Variants in HIF1A observed in about 807,000 individuals in gnomAD.
The protein encoded by HIF1A is hypoxia inducible factor 1 subunit alpha, also known as hypoxia-inducible factor 1-alpha.
Under a neutral mutation model 92.7 loss-of-function variants are expected in HIF1A, and 24 were observed. That is an observed-to-expected ratio of 0.26 (90% CI 0.19 to 0.36). HIF1A has a LOEUF of 0.36. Ranked by LOEUF, HIF1A falls within the 10% of genes least tolerant of loss-of-function variation. The pLI is 1.00. For missense variants in HIF1A, 799 were observed against 998.5 expected, an observed-to-expected ratio of 0.80 and a Z score of 2.69; for synonymous variants, 319 against 338.7, an observed-to-expected ratio of 0.94 and a Z score of 0.64.
chr14:61,732,559 T>G (rs757183395), intron 7 of HIF1A, 35 bp downstream of exon 7: 1 of 1,310,784 alleles, frequency 7.6e-7, no homozygotes, highest in African/African-American at 1.4e-5. Context: ...GATATTCTAA[T>G]TACTTAACTG....
rs2044817579 is a variant in HIF1A at position 61,748,170 on chromosome 14, A to T, written c.*1085A>T. 6.6e-6 allele frequency: 1 copy of T among 152,560 alleles called. No homozygotes were observed. Among genetic ancestry groups the T allele is most frequent in the Admixed American group, 6.5e-5 (1 of 15,280 alleles). The allele number at this position is 152,560 out of a possible 1,614,324, so 9.5% of individuals were successfully genotyped here. The stretch of plus-strand genomic sequence containing the variant: ...TTGTTTTTTCTATGTACATTGTACA[A>T]ATTTTTCATTCCTTTTGCTCTTTGT... On this transcript the variant is annotated 3_prime_UTR_variant, in exon 15 of 15. Transcript: ENST00000337138.
chr14:61,740,286 C>T (rs1444303610), intron 10 of HIF1A: 3 of 299,722 alleles, frequency 1.0e-5, no homozygotes, highest in African/African-American at 4.4e-5. Flanking sequence ...AGGATGGTCT[C>T]GATCTCTTGA....
At position 61,697,813 on chromosome 14, in the gene HIF1A, C is replaced by T. The variant is rs577175897; in HGVS notation, c.35+1974C>T. On this transcript the variant is annotated intron_variant, in intron 1 of 14. Coordinates refer to ENST00000337138, the MANE Select transcript of HIF1A (RefSeq NM_001530.4). Reference sequence around the variant, plus strand: ...GAAAGATAACTGAGAGGTTGAGGGACGGAGATTTTCTTCAAGCAATTTTTT... The same window carrying T: ...GAAAGATAACTGAGAGGTTGAGGGATGGAGATTTTCTTCAAGCAATTTTTT... 1.7e-5 allele frequency: 25 copies of T among 1,483,584 alleles called. 1 individual carries two copies. In the South Asian group the frequency reaches 2.4e-4, roughly 14 times the overall value. 91.9% of individuals were successfully genotyped at this position (1,483,584 alleles called of 1,614,324 possible).
intron 10 of HIF1A, 40 bp downstream of exon 10, chr14:61,738,413 AT>A (rs747533118): frequency 3.4e-6 from 5 of 1,461,854 alleles, no homozygotes; most frequent in Admixed American, 4.4e-5. Context: ...CAACTTTCAG[AT>A]TTTAACATTC....
chr14:61,703,661 G>T (rs1159508001), intron 1 of HIF1A, among the ~76,000 whole-genome samples: 1 of 151,632 alleles, frequency 6.6e-6, no homozygotes, highest in African/African-American at 2.4e-5. Flanking sequence ...CTCTCTTCTA[G>T]TGTCTATATA....
At chr14:61,745,960 A>G (rs1304750674) in intron 14 of HIF1A, 143 bp downstream of exon 14, 27 of 651,676 alleles carry the variant, frequency 4.1e-5, no homozygotes, top group Non-Finnish European at 6.1e-5. Context: ...GCGGTGGCTC[A>G]CACCTGTAAT....
chr14:61,724,466 G>C (rs749900390), intron 4 of HIF1A, among the ~76,000 whole-genome samples: 3 of 150,336 alleles, frequency 2.0e-5, no homozygotes, highest in Non-Finnish European at 3.0e-5. Context: ...CTTCCAGGGA[G>C]GGCAAATTCA....
intron 7 of HIF1A, 76 bp downstream of exon 7, chr14:61,732,600 C>A: frequency 2.3e-6 from 2 of 859,134 alleles, no homozygotes; most frequent in Middle Eastern, 2.3e-4. Flanking sequence ...GGCTACCCAT[C>A]TAATTCTCTG....
chr14:61,729,569 A>G (rs2044550306), intron 6 of HIF1A, among the ~76,000 whole-genome samples: 1 of 152,310 alleles, frequency 6.6e-6, no homozygotes, highest in East Asian at 1.9e-4. Flanking sequence ...ACTGGTGTCA[A>G]CTTTAAGAAA....
intron 6 of HIF1A, 108 bp from the exon 7 acceptor site, chr14:61,732,310 T>A (rs2044585694): frequency 1.5e-6 from 1 of 684,706 alleles, no homozygotes; most frequent in African/African-American, 1.8e-5. Flanking sequence ...TTTTTGAAAA[T>A]TCACTTGTCC....
chr14:61,724,367 C>CTCTCTCTCTCTCTCTCTCTCTA (rs2044474903), intron 4 of HIF1A, among the ~76,000 whole-genome samples: 1 of 149,968 alleles, frequency 6.7e-6, no homozygotes, highest in Non-Finnish European at 1.5e-5. Context: ...CTCTCTCTCT[C>CTCTCTCTCTCTCTCTCTCTCTA]TCTCTCTCTC....
chr14:61,726,667 A>G lies in HIF1A; in HGVS notation c.458-39A>G, dbSNP rs545963325. 3.1e-6 allele frequency: 4 copies of G among 1,283,882 alleles called. No individual in the cohort carries two copies. In the East Asian group the frequency reaches 9.5e-5, roughly 30 times the overall value. The allele number at this position is 1,283,882 out of a possible 1,614,324, so 79.5% of individuals were successfully genotyped here. ...TACTTTTATTGTAACAAATTTGTAT[A>G]TTTAGTTGCTTTAAAACTTTATTTC... On this transcript the variant is annotated intron_variant, in intron 4 of 14. Transcript: ENST00000337138.
At chr14:61,700,647 T>C (rs1594854781) in intron 1 of HIF1A, among the ~76,000 whole-genome samples, 2 of 152,226 alleles carry the variant, frequency 1.3e-5, no homozygotes, top group Non-Finnish European at 2.9e-5. Flanking sequence ...TTTGGATACA[T>C]ATCCAGAAGA....
intron 1 of HIF1A, among the ~76,000 whole-genome samples, chr14:61,703,418 T>A (rs921969179): frequency 2.0e-4 from 30 of 152,150 alleles, no homozygotes; most frequent in African/African-American, 7.2e-4. Flanking sequence ...GCTAACACAA[T>A]CTAATTTTGG....
At chr14:61,704,196 ATAT>A (rs2044209731) in intron 1 of HIF1A, among the ~76,000 whole-genome samples, 1 of 152,208 alleles carries the variant, frequency 6.6e-6, no homozygotes, top group Non-Finnish European at 1.5e-5. Flanking sequence ...TATATTCATA[ATAT>A]TATAGTATTG....
Position 61,695,699 on chromosome 14 carries a change from G to A in HIF1A, c.-106G>A. ...TTTCCCGCCTCGCACCCCCACCTCTGGACTTGCCTTTCCTTCTCTTCTCCG... is the reference window on the plus strand; with the variant it reads ...TTTCCCGCCTCGCACCCCCACCTCTAGACTTGCCTTTCCTTCTCTTCTCCG... On this transcript the variant is annotated 5_prime_UTR_variant, in exon 1 of 15. Coordinates refer to ENST00000337138, the MANE Select transcript of HIF1A (RefSeq NM_001530.4). 7.8e-7 allele frequency: 1 copy of A among 1,279,350 alleles called. No homozygotes were observed. The highest frequency in any genetic ancestry group is 1.1e-6 in the Non-Finnish European group (1 of 915,102). 79.2% of individuals were successfully genotyped at this position (1,279,350 alleles called of 1,614,324 possible).
chr14:61,711,544 C>A (rs932006729), intron 1 of HIF1A, among the ~76,000 whole-genome samples: 1 of 152,186 alleles, frequency 6.6e-6, no homozygotes, highest in African/African-American at 2.4e-5. Flanking sequence ...TCTCTCTTTA[C>A]ACCTCTAAAT....
chr14:61,699,841 A>AG, intron 1 of HIF1A, among the ~76,000 whole-genome samples: 1 of 152,314 alleles, frequency 6.6e-6, no homozygotes, highest in Non-Finnish European at 1.5e-5. Context: ...CTTGTTGCTC[A>AG]GTATTTTTGG....
At chr14:61,722,893 A>G (rs2044450994) in intron 4 of HIF1A, among the ~76,000 whole-genome samples, 1 of 152,230 alleles carries the variant, frequency 6.6e-6, no homozygotes, top group African/African-American at 2.4e-5. Context: ...CTACATTTTT[A>G]TCTTGTTAAA....
Sources: allele counts gnomAD v4.1 joint callset (sites outside exome capture counted in the v4.1 genomes callset), GRCh38; gene constraint gnomAD v4.1.1; transcripts MANE v1.5; gene names NCBI Gene and HGNC (gene_info 2026-07-23, HGNC 2026-07-21).